Variants in DNAH14 observed in about 807,000 individuals in gnomAD.
DNAH14 encodes the protein dynein axonemal heavy chain 14.
A neutral mutation model predicts 520.9 loss-of-function variants in DNAH14; 478 were observed. The ratio of observed to expected loss-of-function variants is 0.92; its 90% CI spans 0.85 to 0.99. The LOEUF is 0.99. DNAH14 is among the 50% of genes least tolerant of loss of function. The pLI is 0.00. For missense variants in DNAH14, 4,831 were observed against 5,234.5 expected, an observed-to-expected ratio of 0.92 and a Z score of 2.38; for synonymous variants, 1,581 against 1,757.2, an observed-to-expected ratio of 0.90 and a Z score of 2.51.
At chr1:225,220,794 A>G (rs1337949177) in intron 41 of DNAH14, among the ~76,000 whole-genome samples, 3 of 152,218 alleles carry the variant, frequency 2.0e-5, no homozygotes, top group Admixed American at 1.3e-4. Flanking sequence ...CAGAATTAGA[A>G]AAAAACTACT....
rs558908991 is a variant in DNAH14 at position 225,379,674 on chromosome 1, C to T, written c.12717-485C>T. Among the ~76,000 whole-genome samples the T allele has an allele frequency of 3.2e-3, 479 of 151,874 alleles. 2 individuals carry two copies. The highest frequency in any genetic ancestry group is 4.8e-3 in the Non-Finnish European group (327 of 67,930). ...TCCTGAGTAGCTCAGACTACAGGCG[C>T]CCACCATGCCTGGCTAACTTTTGTA... is the stretch of plus-strand genomic sequence containing the variant. On this transcript the variant is annotated intron_variant, in intron 79 of 85. Coordinates refer to ENST00000682510, the MANE Select transcript of DNAH14 (RefSeq NM_001367479.1).
intron 77 of DNAH14, among the ~76,000 whole-genome samples, chr1:225,373,646 T>G (rs2095647547): frequency 6.6e-6 from 1 of 152,134 alleles, no homozygotes; most frequent in Non-Finnish European, 1.5e-5. Flanking sequence ...AAGAATTCTG[T>G]CAATGGTGGC....
At chr1:225,078,843 C>CTCTCT (rs2072696932) in intron 17 of DNAH14, among the ~76,000 whole-genome samples, 2 of 52,126 alleles carry the variant, frequency 3.8e-5, no homozygotes, top group African/African-American at 1.6e-4. Flanking sequence ...TCTCTCTCTC[C>CTCTCT]CTCTCTCTCT....
At chr1:225,346,426 C>T in intron 70 of DNAH14, 30 bp from the exon 71 acceptor site, 1 of 1,530,762 alleles carries the variant, frequency 6.5e-7, no homozygotes, top group Non-Finnish European at 8.8e-7. Flanking sequence ...TTTAATCTCA[C>T]TGGATTAATA....
intron 17 of DNAH14, among the ~76,000 whole-genome samples, chr1:225,058,780 C>T (rs2069544157): frequency 6.6e-6 from 1 of 152,092 alleles, no homozygotes; most frequent in Non-Finnish European, 1.5e-5. Flanking sequence ...GCCTTCATTT[C>T]GTTATGTACC....
Position 225,265,207 on chromosome 1 carries a change from T to G in DNAH14, c.7248T>G (p.Val2416=). 6.7e-7 allele frequency: 1 copy of G among 1,500,386 alleles called. No individual in the cohort carries two copies. Among genetic ancestry groups the G allele is most frequent in the Non-Finnish European group, 8.8e-7 (1 of 1,130,588 alleles). The allele number at this position is 1,500,386 out of a possible 1,614,324, so 92.9% of individuals were successfully genotyped here. The change falls in exon 48 of 86, where the codon GTT becomes GTG. Residue 2416 remains valine (V), a synonymous_variant. Transcript: ENST00000682510. ...ATAATCCCACTAAAAAGCCAGAAGT[T>G]AGAACTAATAAAAAGTTACTTAAAA... ...SSDNPTKKPE[V]RTNKKLLKNN...
chr1:224,969,952 G>A (rs952213591), intron 7 of DNAH14: 1 of 152,172 alleles, frequency 6.6e-6, no homozygotes, highest in East Asian at 1.9e-4. Flanking sequence ...GAGCATGTGT[G>A]TTTGAACAAT....
Position 225,301,034 on chromosome 1 carries a change from C to T in DNAH14, c.8631+4C>T. 6.5e-7 allele frequency: 1 copy of T among 1,545,956 alleles called. No individual in the cohort carries two copies. On this transcript the variant is annotated splice_donor_region_variant and intron_variant, in intron 56 of 85. Transcript: ENST00000682510. ...TTTACTTTCATTCTTTCAAAAGGTA[C>T]TTTTTTGTGACTTGGCTTTATCAAA...
intron 47 of DNAH14, 21 bp from the exon 48 acceptor site, chr1:225,265,161 T>A: frequency 2.1e-6 from 3 of 1,422,174 alleles, no homozygotes; most frequent in Non-Finnish European, 2.7e-6. Flanking sequence ...TTGTTTTTTC[T>A]TTCTATGTTT....
chr1:225,078,806 CTCTCTCTCT>C (rs2072646421), intron 17 of DNAH14, among the ~76,000 whole-genome samples: 2 of 48,968 alleles, frequency 4.1e-5, no homozygotes, highest in Non-Finnish European at 5.6e-5. Context: ...CTCTCTCTCT[CTCTCTCTCT>C]CTCTCTCTCC....
chr1:225,182,665 A>G (rs1361217123), intron 36 of DNAH14, among the ~76,000 whole-genome samples: 2 of 152,102 alleles, frequency 1.3e-5, no homozygotes, highest in Non-Finnish European at 2.9e-5. Context: ...TCCACTTGAG[A>G]GAGGGAGAGG....
intron 34 of DNAH14, among the ~76,000 whole-genome samples, chr1:225,157,986 G>T (rs1404106313): frequency 6.6e-6 from 1 of 152,138 alleles, no homozygotes; most frequent in Non-Finnish European, 1.5e-5. Flanking sequence ...GCAGTTTAAG[G>T]TGACTATATA....
At chr1:225,240,209 AT>A (rs2091887490) in intron 42 of DNAH14, among the ~76,000 whole-genome samples, 1 of 151,510 alleles carries the variant, frequency 6.6e-6, no homozygotes, top group Non-Finnish European at 1.5e-5. Context: ...TAAAATAAAA[AT>A]GAAACATTTT....
At chr1:225,008,575 C>CTTT (rs57331050) in intron 10 of DNAH14, among the ~76,000 whole-genome samples, 14 of 98,310 alleles carry the variant, frequency 1.4e-4, no homozygotes, top group African/African-American at 3.7e-4. Flanking sequence ...TTTTTCCTGA[C>CTTT]TTTTTTTTTT....
chr1:225,208,855 G>T (rs775383979), intron 41 of DNAH14, among the ~76,000 whole-genome samples: 28 of 152,138 alleles, frequency 1.8e-4, no homozygotes, highest in Non-Finnish European at 3.5e-4. Context: ...CTGATTCCTT[G>T]CTCTGCTACA....
rs2078154292 is a variant in DNAH14, at chr1:225,129,545, C to A, written c.4254+5931C>A. ...TACAACCATCTGATCTTTGAGAAAC[C>A]TGATAAAAACAAGCAATGTGGAAAG... On this transcript the variant is annotated intron_variant, in intron 27 of 85. Transcript: ENST00000682510. 2.0e-5 allele frequency among the ~76,000 whole-genome samples: 3 copies of A among 152,094 alleles called. No individual in the cohort carries two copies. The South Asian group carries it at 6.2e-4, about 32-fold the overall frequency.
At chr1:225,176,375 G>T (rs1418082852) in intron 36 of DNAH14, among the ~76,000 whole-genome samples, 3 of 151,986 alleles carry the variant, frequency 2.0e-5, no homozygotes, top group African/African-American at 7.2e-5. Flanking sequence ...TTAATATATG[G>T]TTTGTCTTTG....
At chr1:224,979,143 C>G (rs1298352164) in intron 8 of DNAH14, among the ~76,000 whole-genome samples, 1 of 152,070 alleles carries the variant, frequency 6.6e-6, no homozygotes, top group Admixed American at 6.6e-5. Flanking sequence ...AATGTTCCTT[C>G]ATAAAAAAAG....
intron 20 of DNAH14, among the ~76,000 whole-genome samples, chr1:225,083,602 C>T (rs1482864406): frequency 6.6e-6 from 1 of 152,128 alleles, no homozygotes; most frequent in Non-Finnish European, 1.5e-5. Context: ...TGCTCTTCCT[C>T]TGTGTTTCTT....
Sources: gnomAD v4.1 joint callset for allele counts (sites outside exome capture counted in the v4.1 genomes callset) on GRCh38, gnomAD v4.1.1 for gene constraint, MANE v1.5 for transcripts, NCBI Gene and HGNC (gene_info 2026-07-23, HGNC 2026-07-21) for gene names.